HOPX: variants seen among roughly 807,000 people sequenced by gnomAD.
HOPX encodes the protein HOP homeobox, also known as homeodomain-only protein.
Under a neutral mutation model 11.8 loss-of-function variants are expected in HOPX, and 5 were observed. The observed-to-expected ratio is 0.43, with a 90% CI of 0.22 to 0.89. The LOEUF (loss-of-function observed/expected upper bound fraction) is 0.89, where lower values mean the gene tolerates loss of function less well. Ranked by LOEUF, HOPX falls within the 40% of genes least tolerant of loss-of-function variation. The pLI, the probability that HOPX is intolerant of heterozygous loss-of-function variation, is 0.28. For missense variants in HOPX, 119 were observed against 120.0 expected, an observed-to-expected ratio of 0.99 and a Z score of 0.04; for synonymous variants, 49 against 49.7, an observed-to-expected ratio of 0.99 and a Z score of 0.06.
chr4:56,672,431 C>G (rs1347763740), intron 1 of HOPX, among the ~76,000 whole-genome samples: 1 of 151,608 alleles, frequency 6.6e-6, no homozygotes, highest in Non-Finnish European at 1.5e-5. Context: ...CCCAGCTGCT[C>G]TGGATGCTGA....
chr4:56,660,583 A>G (rs1009693308), intron 1 of HOPX, among the ~76,000 whole-genome samples: 1 of 152,112 alleles, frequency 6.6e-6, no homozygotes, highest in East Asian at 1.9e-4. Flanking sequence ...TTTTCCCCCT[A>G]TATAACAATG....
intron 2 of HOPX, 80 bp from the exon 3 acceptor site, chr4:56,656,092 C>G (rs1443735129): frequency 4.4e-6 from 6 of 1,357,732 alleles, no homozygotes; most frequent in Non-Finnish European, 5.7e-6. Context: ...GTCGCGGCGC[C>G]GCCGGGCAGC....
intron 1 of HOPX, among the ~76,000 whole-genome samples, chr4:56,674,750 T>C (rs1261100314): frequency 7.3e-6 from 1 of 137,778 alleles, no homozygotes; most frequent in Non-Finnish European, 1.5e-5. Context: ...TTTTTATTTA[T>C]TTGTTTGTTT....
At chr4:56,655,505 A>T (rs568437359) in intron 3 of HOPX, among the ~76,000 whole-genome samples, 23 of 152,358 alleles carry the variant, frequency 1.5e-4, no homozygotes, top group African/African-American at 5.5e-4. Context: ...AAGGCGAGAC[A>T]GGGACAGGCG....
chr4:56,648,888 G>C (rs1716898392), intron 3 of HOPX, 91 bp from the exon 4 acceptor site: 2 of 944,480 alleles, frequency 2.1e-6, no homozygotes, highest in Admixed American at 4.0e-5. Flanking sequence ...TGTGGCACAA[G>C]TGGAAAGGAG....
intron 1 of HOPX, among the ~76,000 whole-genome samples, chr4:56,666,876 G>T (rs945216795): frequency 2.6e-5 from 4 of 151,650 alleles, no homozygotes; most frequent in African/African-American, 9.7e-5. Flanking sequence ...ACCCACTAAA[G>T]GTTTCATAGA....
chr4:56,650,863 C>A (rs563680755), intron 3 of HOPX: 2 of 1,497,728 alleles, frequency 1.3e-6, no homozygotes, highest in Non-Finnish European at 1.8e-6. Context: ...AATCGAAATT[C>A]TACTGCTAAG....
chr4:56,648,795 T>C lies in HOPX; in HGVS notation c.201A>G (p.Lys67=). 6.2e-7 allele frequency: 1 copy of C among 1,606,794 alleles called. No individual in the cohort carries two copies. Among genetic ancestry groups the C allele is most frequent in the East Asian group, 2.2e-5 (1 of 44,774 alleles). Residue 67 remains lysine (K), a splice_region_variant and synonymous_variant, in exon 4 of 4, where the codon AAA becomes AAG. Coordinates refer to ENST00000420433, the MANE Select transcript of HOPX (RefSeq NM_032495.6). The stretch of plus-strand genomic sequence containing the variant: ...ACTTTGCCAGGCGCTGCTTAAACCA[T>C]TTCTGGAAGAGAGAAATGAGAAAAA... ...EAGLSEEETQ[K]WFKQRLAKWR...
chr4:56,655,707 G>C, intron 3 of HOPX, 150 bp downstream of exon 3: 1 of 901,298 alleles, frequency 1.1e-6, no homozygotes, highest in Non-Finnish European at 1.6e-6. Context: ...GAGCCATGCA[G>C]GGTCTGGGCC....
intron 1 of HOPX, among the ~76,000 whole-genome samples, chr4:56,676,814 A>G (rs1719040556): frequency 6.6e-6 from 1 of 151,650 alleles, no homozygotes; most frequent in Non-Finnish European, 1.5e-5. Context: ...CCCAGAAGGG[A>G]TGTTAATTAC....
At chr4:56,681,499 A>T, upstream of HOPX, 1 of 997,888 alleles carries the variant, frequency 1.0e-6, no homozygotes, top group Non-Finnish European at 1.2e-6. Context: ...GGGACTTCTG[A>T]GAGTCTCATG....
intron 3 of HOPX, 31 bp from the exon 4 acceptor site, chr4:56,648,828 T>C (rs1380965915): frequency 6.4e-7 from 1 of 1,560,774 alleles, no homozygotes; most frequent in Admixed American, 1.7e-5. Context: ...AAAATATTTG[T>C]CACATACAGA....
intron 2 of HOPX, chr4:56,656,337 C>T (rs1578335707): frequency 1.9e-6 from 2 of 1,059,064 alleles, no homozygotes; most frequent in East Asian, 1.4e-4. Context: ...CGCGGGCCCT[C>T]ACCGACCTCC....
At chr4:56,652,187 GAGAATT>G (rs2109460266) in intron 3 of HOPX, among the ~76,000 whole-genome samples, 1 of 152,234 alleles carries the variant, frequency 6.6e-6, no homozygotes, top group South Asian at 2.1e-4. Flanking sequence ...CACCCCCACA[GAGAATT>G]TTGTCCTGAA....
intron 1 of HOPX, among the ~76,000 whole-genome samples, chr4:56,667,319 T>C (rs545502266): frequency 1.3e-5 from 2 of 152,356 alleles, no homozygotes; most frequent in East Asian, 3.9e-4. Flanking sequence ...TTAGACATTT[T>C]CAAAGAGATT....
chr4:56,670,061 C>T (rs1578356596), intron 1 of HOPX, among the ~76,000 whole-genome samples: 2 of 152,306 alleles, frequency 1.3e-5, no homozygotes, highest in East Asian at 3.9e-4. Context: ...GTCTGGTAGA[C>T]TGAGTTATGC....
intron 3 of HOPX, among the ~76,000 whole-genome samples, chr4:56,654,579 G>A (rs776997459): frequency 2.6e-5 from 4 of 152,204 alleles, no homozygotes; most frequent in Non-Finnish European, 4.4e-5. Flanking sequence ...TTCTGGTTCT[G>A]GTTGGCCAGA....
rs143741141 is a variant in HOPX, at chr4:56,677,513, T to G, written c.-84+3742A>C. Among the ~76,000 whole-genome samples the G allele has an allele frequency of 7.9e-5, 12 of 151,852 alleles. 1 individual carries two copies. Among genetic ancestry groups the G allele is most frequent in the African/African-American group, 2.9e-4 (12 of 41,092 alleles). ...GGGAGTGACATAATTCATTAAACGATTATTGTCTATTAACATCCTAATTTT... is the reference window on the plus strand; with the variant it reads ...GGGAGTGACATAATTCATTAAACGAGTATTGTCTATTAACATCCTAATTTT... On this transcript the variant is annotated intron_variant, in intron 1 of 3. Transcript: ENST00000420433.
intron 1 of HOPX, chr4:56,663,417 G>T (rs1435939858): frequency 6.6e-6 from 1 of 152,160 alleles, no homozygotes; most frequent in African/African-American, 2.4e-5. Context: ...ATATATCTCA[G>T]TAATTAGTCC....
Sources: allele counts gnomAD v4.1 joint callset (sites outside exome capture counted in the v4.1 genomes callset), GRCh38; gene constraint gnomAD v4.1.1; transcripts MANE v1.5; gene names NCBI Gene and HGNC (gene_info 2026-07-23, HGNC 2026-07-21).